Variants in ZMYM4 observed in about 807,000 individuals in gnomAD.
ZMYM4 encodes the protein zinc finger MYM-type protein 4.
A neutral mutation model predicts 183.2 loss-of-function variants in ZMYM4; 31 were observed. That is an observed-to-expected ratio of 0.17 (90% CI 0.13 to 0.23). The LOEUF (loss-of-function observed/expected upper bound fraction) is 0.23, where lower values mean the gene tolerates loss of function less well. ZMYM4 is among the 10% of genes least tolerant of loss of function. ZMYM4 has a pLI of 1.00. For missense variants in ZMYM4, 1,273 were observed against 1,840.3 expected, an observed-to-expected ratio of 0.69 and a Z score of 5.64; for synonymous variants, 592 against 631.2, an observed-to-expected ratio of 0.94 and a Z score of 0.93.
At chr1:35,379,478 C>A (rs974420575) in intron 7 of ZMYM4, among the ~76,000 whole-genome samples, 3 of 152,186 alleles carry the variant, frequency 2.0e-5, no homozygotes, top group Non-Finnish European at 4.4e-5. Flanking sequence ...CCAGTTGATC[C>A]GCCCGCCTCG....
At chr1:35,355,075 C>G (rs1168076275) in intron 2 of ZMYM4, among the ~76,000 whole-genome samples, 1 of 151,708 alleles carries the variant, frequency 6.6e-6, no homozygotes, top group African/African-American at 2.4e-5. Context: ...TAACTGTCGC[C>G]CAGGCTGGAG....
chr1:35,369,331 C>T lies in ZMYM4; in HGVS notation c.841-698C>T, dbSNP rs149049417. On this transcript the variant is annotated intron_variant, in intron 5 of 29. Transcript: ENST00000314607. ...TGGTGGTTACTCATGACTTAAAATA[C>T]GTGTATATGCACATAGAAATCATTG... Among the ~76,000 whole-genome samples, 1,151 of 152,182 alleles carry T rather than the reference C, an allele frequency of 7.6e-3. 19 individuals carry two copies. The highest frequency in any genetic ancestry group is 0.056 in the South Asian group (271 of 4,824).
chr1:35,368,070 C>A, intron 5 of ZMYM4, among the ~76,000 whole-genome samples: 1 of 140,370 alleles, frequency 7.1e-6, no homozygotes, highest in Non-Finnish European at 1.5e-5. Flanking sequence ...CGCCCCCCCC[C>A]CACCCATTTT....
chr1:35,307,014 TTG>T (rs2148767225), intron 1 of ZMYM4, among the ~76,000 whole-genome samples: 1 of 152,356 alleles, frequency 6.6e-6, no homozygotes, highest in Admixed American at 6.5e-5. Flanking sequence ...CCAGCACTGT[TTG>T]TGCCTGATTT....
At chr1:35,375,314 G>A (rs554383370) in intron 7 of ZMYM4, among the ~76,000 whole-genome samples, 17 of 151,988 alleles carry the variant, frequency 1.1e-4, no homozygotes, top group East Asian at 3.9e-4. Context: ...TTATTTACAC[G>A]GTGATTACAA....
At chr1:35,272,829 C>G (rs1639682001) in intron 1 of ZMYM4, among the ~76,000 whole-genome samples, 2 of 152,202 alleles carry the variant, frequency 1.3e-5, no homozygotes, top group African/African-American at 4.8e-5. Context: ...TCGCCTCAGC[C>G]TCCCGAGTAG....
chr1:35,358,047 A>G (rs1389477057), intron 2 of ZMYM4, among the ~76,000 whole-genome samples: 2 of 152,326 alleles, frequency 1.3e-5, no homozygotes, highest in African/African-American at 4.8e-5. Context: ...GAAAAAAGTC[A>G]ATTTGCTTTG....
chr1:35,386,927 G>A, intron 11 of ZMYM4, 76 bp from the exon 12 acceptor site: 1 of 1,477,408 alleles, frequency 6.8e-7, no homozygotes. Flanking sequence ...AACGGTGCTT[G>A]GCATATGTAG....
intron 26 of ZMYM4, among the ~76,000 whole-genome samples, chr1:35,411,849 C>T (rs771850641): frequency 2.6e-5 from 4 of 151,936 alleles, no homozygotes; most frequent in Non-Finnish European, 5.9e-5. Context: ...GTATTTTATT[C>T]TTTTTGATGC....
rs113572900 is a variant in ZMYM4, at chr1:35,387,325, T to C, written c.2112+47T>C. ...ATAAGATTTTGAGTATACGTGGGTC[T>C]ATTTGTAAAATTATTTTTAACTTTG... On this transcript the variant is annotated intron_variant, in intron 12 of 29. Coordinates refer to ENST00000314607, the MANE Select transcript of ZMYM4 (RefSeq NM_005095.3). The C allele has an allele frequency of 5.0e-5, 79 of 1,591,050 alleles. 3 individuals carry two copies. The highest frequency in any genetic ancestry group is 4.9e-4 in the African/African-American group (36 of 74,038).
intron 7 of ZMYM4, among the ~76,000 whole-genome samples, chr1:35,380,928 A>C (rs1391424059): frequency 6.6e-6 from 1 of 152,212 alleles, no homozygotes; most frequent in Non-Finnish European, 1.5e-5. Context: ...TTGAAAATAC[A>C]GATAATTCTA....
intron 1 of ZMYM4, among the ~76,000 whole-genome samples, chr1:35,286,292 A>G (rs1318875556): frequency 2.0e-5 from 3 of 152,140 alleles, no homozygotes; most frequent in Non-Finnish European, 4.4e-5. Context: ...TTTCATTTAC[A>G]TTAGAGTCAA....
chr1:35,300,072 G>A (rs1641208597), intron 1 of ZMYM4, among the ~76,000 whole-genome samples: 1 of 142,880 alleles, frequency 7.0e-6, no homozygotes, highest in Admixed American at 7.5e-5. Context: ...TGGGATTACA[G>A]GCATGAGCCA....
chr1:35,370,826 T>A lies in ZMYM4; in HGVS notation c.1181+199T>A. ...TCCAGGTGCTAGGTGCTCAGCTTGT[T>A]TTTTAGCTTTCAATAATGTTACTTT... On this transcript the variant is annotated intron_variant, in intron 7 of 29. Transcript: ENST00000314607. 3 of 581,674 alleles carry A rather than the reference T, an allele frequency of 5.2e-6. No homozygotes were observed. In the South Asian group the frequency reaches 1.8e-4, roughly 35 times the overall value. 36.0% of individuals were successfully genotyped at this position (581,674 alleles called of 1,614,324 possible). A position where few individuals can be genotyped will look rare whatever the true frequency, so the allele number is the denominator to read the frequency against.
At chr1:35,337,989 G>A (rs2148852502) in intron 2 of ZMYM4, among the ~76,000 whole-genome samples, 1 of 152,226 alleles carries the variant, frequency 6.6e-6, no homozygotes, top group East Asian at 1.9e-4. Flanking sequence ...ATGGATTATT[G>A]TGTTTCTGAC....
In ZMYM4 at chr1:35,387,224, A is replaced by G; in HGVS notation, c.2058A>G (p.Lys686=). 1.2e-6 allele frequency: 2 copies of G among 1,614,222 alleles called. No homozygotes were observed. Among genetic ancestry groups the G allele is most frequent in the South Asian group, 1.1e-5 (1 of 91,078 alleles). ...VGFARSVVKL[K]CQHCNRLFAT... is the part of the protein sequence containing the mutation. ...TTGCACGAAGTGTTGTGAAACTCAAATGTCAACACTGTAACCGTCTTTTTG... is the reference window on the plus strand; with the variant it reads ...TTGCACGAAGTGTTGTGAAACTCAAGTGTCAACACTGTAACCGTCTTTTTG... Residue 686 remains lysine (K), a synonymous_variant, in exon 12 of 30, where the codon AAA becomes AAG. Transcript: ENST00000314607.
In ZMYM4 at chr1:35,389,781, A is replaced by ATATATGTGTGTGTG. The variant is rs1553179061; in HGVS notation, c.2437-166_2437-165insATATGTGTGTGTGT. 3.8e-4 allele frequency among the ~76,000 whole-genome samples: 54 copies of ATATATGTGTGTGTG among 141,472 alleles called. 1 individual carries two copies. Among genetic ancestry groups the ATATATGTGTGTGTG allele is most frequent in the Admixed American group, 1.6e-3 (23 of 14,162 alleles). 92.8% of individuals were successfully genotyped at this position (141,472 alleles called of 152,430 possible). A position where few individuals can be genotyped will look rare whatever the true frequency, so the allele number is the denominator to read the frequency against. ...AAAAAAAAAAAAAATATATATATAT[A>ATATATGTGTGTGTG]TGTGTGTGTGTGTGTGTGTGTGTGT... On this transcript the variant is annotated intron_variant, in intron 14 of 29. Transcript: ENST00000314607. This position sits in a 1 kb window ranked among gnomAD's most constrained non-coding sequence, Gnocchi z 4.0.
chr1:35,414,370 A>AT (rs1640028648), intron 27 of ZMYM4, among the ~76,000 whole-genome samples: 1 of 152,214 alleles, frequency 6.6e-6, no homozygotes, highest in African/African-American at 2.4e-5. Flanking sequence ...TAGCTTTCAC[A>AT]TATCATATCT....
At chr1:35,364,830 G>A (rs891577976) in intron 5 of ZMYM4, among the ~76,000 whole-genome samples, 10 of 151,834 alleles carry the variant, frequency 6.6e-5, no homozygotes, top group African/African-American at 2.4e-4. Context: ...ATTCATTTTG[G>A]TCCTAATTTC....
Sources: gnomAD v4.1 joint callset for allele counts (sites outside exome capture counted in the v4.1 genomes callset) on GRCh38, gnomAD v4.1.1 for gene constraint, Gnocchi (gnomAD v3.1) non-coding constraint, MANE v1.5 for transcripts, NCBI Gene and HGNC (gene_info 2026-07-23, HGNC 2026-07-21) for gene names.